The following JHY variants were observed in gnomAD, a reference collection of about 807,000 sequenced individuals.
JHY encodes the protein jhy protein homolog.
JHY carries 69 observed loss-of-function variants against 78.0 expected under a neutral mutation model. That is an observed-to-expected ratio of 0.88 (90% CI 0.73 to 1.08). JHY has a LOEUF of 1.08. Ranked by LOEUF, JHY falls within the 50% of genes least tolerant of loss-of-function variation. JHY has a pLI of 0.00. For synonymous variants in JHY, 368 were observed against 342.6 expected (o/e 1.07, Z -0.82); for missense variants, 944 against 927.8 (o/e 1.02, Z -0.23).
intron 3 of JHY, among the ~76,000 whole-genome samples, chr11:122,906,932 A>G (rs1367346315): frequency 1.3e-5 from 2 of 152,078 alleles, no homozygotes; most frequent in African/African-American, 4.8e-5. Flanking sequence ...TTCCTTTACC[A>G]TTTTCCAATA....
At chr11:122,925,140 G>T in intron 4 of JHY, 130 bp downstream of exon 4, 1 of 716,666 alleles carries the variant, frequency 1.4e-6, no homozygotes, top group Non-Finnish European at 2.3e-6. Context: ...CTTTCCTATG[G>T]GTAAGACTGG....
At chr11:122,916,097 G>T (rs557711126) in intron 3 of JHY, among the ~76,000 whole-genome samples, 15 of 151,998 alleles carry the variant, frequency 9.9e-5, no homozygotes, top group African/African-American at 3.6e-4. Flanking sequence ...TAGATAGAAT[G>T]AATAAATTCT....
chr11:122,902,646 C>G (rs1395171857), intron 2 of JHY, among the ~76,000 whole-genome samples: 3 of 152,096 alleles, frequency 2.0e-5, no homozygotes, highest in East Asian at 3.9e-4. Context: ...GGGAAACTTA[C>G]AATCATGGCA....
intron 2 of JHY, among the ~76,000 whole-genome samples, chr11:122,886,598 TA>T (rs1316063609): frequency 6.6e-6 from 1 of 152,126 alleles, no homozygotes; most frequent in Non-Finnish European, 1.5e-5. Flanking sequence ...TTTATTTTTT[TA>T]AAAATTTTAT....
intron 3 of JHY, among the ~76,000 whole-genome samples, chr11:122,924,156 T>A (rs1026924131): frequency 1.3e-5 from 2 of 152,182 alleles, no homozygotes; most frequent in South Asian, 2.1e-4. Context: ...GTATTTTTTT[T>A]AATTTCCTCG....
chr11:122,921,949 C>G (rs1179384939), intron 3 of JHY, among the ~76,000 whole-genome samples: 1 of 152,100 alleles, frequency 6.6e-6, no homozygotes, highest in Admixed American at 6.5e-5. Flanking sequence ...CCACTGCGCT[C>G]CAGCCTGGAC....
intron 8 of JHY, 80 bp downstream of exon 8, chr11:122,957,571 TTTA>T (rs1439712328): frequency 3.5e-5 from 43 of 1,220,030 alleles, no homozygotes; most frequent in Middle Eastern, 2.9e-4. Flanking sequence ...TTTTTTTTTT[TTTA>T]ATTAGCCACA....
In JHY at chr11:122,898,136, C is replaced by T. The variant is rs1475511745; in HGVS notation, c.345-5789C>T. On this transcript the variant is annotated intron_variant, in intron 2 of 8. Coordinates refer to ENST00000227349, the MANE Select transcript of JHY (RefSeq NM_024806.4). The surrounding 1 kb of genome is among the most constrained non-coding windows in gnomAD (Gnocchi z 4.4). ...ACTGTATTACTGTTGGTGCATAAAG[C>T]CTGTCCTCCTCATTGAAGGGTAAGA... is the stretch of plus-strand genomic sequence containing the variant. Among the ~76,000 whole-genome samples, 1 of 152,174 alleles carries T rather than the reference C, an allele frequency of 6.6e-6. No individual in the cohort carries two copies. The highest frequency in any genetic ancestry group is 1.5e-5 in the Non-Finnish European group (1 of 68,026).
At chr11:122,957,556 CTTTTTTT>C in intron 8 of JHY, 65 bp downstream of exon 8, 3 of 981,064 alleles carry the variant, frequency 3.1e-6, no homozygotes, top group Non-Finnish European at 2.7e-6. Flanking sequence ...TTTATTATCG[CTTTTTTT>C]TTTTTTTTTT....
chr11:122,902,077 T>A (rs1862872580), intron 2 of JHY, among the ~76,000 whole-genome samples: 1 of 145,398 alleles, frequency 6.9e-6, no homozygotes, highest in Non-Finnish European at 1.5e-5. Flanking sequence ...TCTTCTGGAA[T>A]CCCTCCTGAA....
chr11:122,957,811 T>TCACACACA (rs113733119), intron 8 of JHY, among the ~76,000 whole-genome samples: 2,161 of 149,710 alleles, frequency 0.014, 25 homozygotes, highest in Middle Eastern at 0.045. Flanking sequence ...ACACACACAG[T>TCACACACA]CACACACACA....
At chr11:122,933,925 C>T (rs1290505726) in intron 4 of JHY, among the ~76,000 whole-genome samples, 1 of 152,030 alleles carries the variant, frequency 6.6e-6, no homozygotes, top group Non-Finnish European at 1.5e-5. Flanking sequence ...GTAAAGCTTC[C>T]CCACCTCATC....
chr11:122,962,854 G>A lies in JHY; in HGVS notation c.*3409G>A, dbSNP rs1017689537. On this transcript the variant is annotated 3_prime_UTR_variant, in exon 9 of 9. Transcript: ENST00000227349. Reference sequence around the variant, plus strand: ...GTCCATCAGTCCTACTGAGAGTAATGGGAGGGGAGCCAGGTCTGAATCTCC... The same window carrying A: ...GTCCATCAGTCCTACTGAGAGTAATAGGAGGGGAGCCAGGTCTGAATCTCC... Among the ~76,000 whole-genome samples, 1 of 152,144 alleles carries A rather than the reference G, an allele frequency of 6.6e-6. No individual in the cohort carries two copies. Among genetic ancestry groups the A allele is most frequent in the Non-Finnish European group, 1.5e-5 (1 of 68,002 alleles).
At position 122,960,611 on chromosome 11, in the gene JHY, C is replaced by G; in HGVS notation, c.*1166C>G. 1 of 294,092 alleles carries G rather than the reference C, an allele frequency of 3.4e-6. No individual in the cohort carries two copies. Among genetic ancestry groups the G allele is most frequent in the Non-Finnish European group, 6.9e-6 (1 of 144,568 alleles). The allele number at this position is 294,092 out of a possible 1,614,324, so 18.2% of individuals were successfully genotyped here. ...TGTATGCTTTATCCAAAGAAATATACATGATTACCCCAGAGACCTTTTCTA... is the reference window on the plus strand; with the variant it reads ...TGTATGCTTTATCCAAAGAAATATAGATGATTACCCCAGAGACCTTTTCTA... On this transcript the variant is annotated 3_prime_UTR_variant, in exon 9 of 9. Coordinates refer to ENST00000227349, the MANE Select transcript of JHY (RefSeq NM_024806.4).
In JHY at chr11:122,934,547, A is replaced by G. The variant is rs372643545; in HGVS notation, c.1106A>G (p.Gln369Arg). The change falls in exon 5 of 9, where the codon CAG (glutamine) becomes CGG (arginine). Residue 369 changes from glutamine (Q) to arginine (R), a missense_variant. Transcript: ENST00000227349. ...RRPAKLKIRK[Q>R]CKHQNGLKSS... ...CCAGCCAAGCTCAAGATTCGAAAGCAGTGTAAACACCAGAATGGCCTGAAG... is the reference window on the plus strand; with the variant it reads ...CCAGCCAAGCTCAAGATTCGAAAGCGGTGTAAACACCAGAATGGCCTGAAG... 4.3e-6 allele frequency: 7 copies of G among 1,613,992 alleles called. No individual in the cohort carries two copies. The highest frequency in any genetic ancestry group is 5.9e-6 in the Non-Finnish European group (7 of 1,180,030).
Position 122,888,735 on chromosome 11 carries a change from G to A in JHY, c.344+2542G>A, listed in dbSNP as rs114528575. ...AGAGGTAATCAATACATACTCTTACGTGAGTGTGCATCCTTCTCACCAGTC... is the reference window on the plus strand; with the variant it reads ...AGAGGTAATCAATACATACTCTTACATGAGTGTGCATCCTTCTCACCAGTC... On this transcript the variant is annotated intron_variant, in intron 2 of 8. Coordinates refer to ENST00000227349, the MANE Select transcript of JHY (RefSeq NM_024806.4). 2.8e-4 allele frequency among the ~76,000 whole-genome samples: 43 copies of A among 152,002 alleles called. No individual in the cohort carries two copies. In the East Asian group the frequency reaches 3.5e-3, roughly 12 times the overall value.
At chr11:122,902,284 C>T (rs933560778) in intron 2 of JHY, among the ~76,000 whole-genome samples, 8 of 151,664 alleles carry the variant, frequency 5.3e-5, no homozygotes, top group African/African-American at 1.9e-4. Flanking sequence ...TGGCAAAACC[C>T]TGTCTCTACT....
chr11:122,888,088 A>ATCTCATAAGTGTCTTAGTGATATGATATG (rs1213119253), intron 2 of JHY, among the ~76,000 whole-genome samples: 4 of 151,920 alleles, frequency 2.6e-5, no homozygotes, highest in African/African-American at 9.7e-5. Flanking sequence ...AGTTGAATCA[A>ATCTCATAAGTGTCTTAGTGATATGATATG]TCTCATAAGT....
In JHY at chr11:122,961,662, C is replaced by A. The variant is rs1864319754; in HGVS notation, c.*2217C>A. ...TAGCTACTACACCTGGCCCTATGAT[C>A]ACTTTTGAATAAGCAGTTTGCCTTT... On this transcript the variant is annotated 3_prime_UTR_variant, in exon 9 of 9. Coordinates refer to ENST00000227349, the MANE Select transcript of JHY (RefSeq NM_024806.4). Among the ~76,000 whole-genome samples the A allele has an allele frequency of 6.6e-6, 1 of 152,180 alleles. No homozygotes were observed. The highest frequency in any genetic ancestry group is 1.5e-5 in the Non-Finnish European group (1 of 68,044).
Sources: allele counts gnomAD v4.1 joint callset (sites outside exome capture counted in the v4.1 genomes callset), GRCh38; gene constraint gnomAD v4.1.1; non-coding constraint Gnocchi (gnomAD v3.1); transcripts MANE v1.5; gene names NCBI Gene and HGNC (gene_info 2026-07-23, HGNC 2026-07-21).